HIBADH: variants seen among roughly 807,000 people sequenced by gnomAD.
HIBADH encodes 3-hydroxyisobutyrate dehydrogenase.
Under a neutral mutation model 36.1 loss-of-function variants are expected in HIBADH, and 25 were observed. The observed-to-expected ratio is 0.69, with a 90% CI of 0.50 to 0.97. The LOEUF (loss-of-function observed/expected upper bound fraction) is 0.97. Among genes scored for constraint, HIBADH ranks in the 50% least tolerant of loss-of-function variants. The pLI, the probability that HIBADH is intolerant of heterozygous loss-of-function variation, is 0.00. For missense variants in HIBADH, 421 were observed against 418.0 expected (o/e 1.01, Z -0.06); for synonymous variants, 160 against 149.5 (o/e 1.07, Z -0.51).
At position 27,531,205 on chromosome 7, in the gene HIBADH, G is replaced by C. The variant is rs747796694; in HGVS notation, c.839C>G (p.Thr280Arg). Residue 280 changes from threonine (T) to arginine (R), a missense_variant, in exon 7 of 8, where the codon ACA (threonine) becomes AGA (arginine). Physicochemically the swap from Thr to Arg is moderately conservative, Grantham distance 71. Transcript: ENST00000265395. ...CATTTACCATACCTTAGCCATGAGT[G>C]TTGTTCCAAATCCACCCTGATAGTT... Reference protein sequence around the residue: ...ANNYQGGFGTTLMAKDLGLAQ... With the variant: ...ANNYQGGFGTRLMAKDLGLAQ... The C allele has an allele frequency of 1.2e-6, 2 of 1,613,656 alleles. No homozygotes were observed. Among genetic ancestry groups the C allele is most frequent in the Non-Finnish European group, 1.7e-6 (2 of 1,179,750 alleles).
At chr7:27,629,518 T>C (rs201253083) in intron 3 of HIBADH, 26 bp from the exon 4 acceptor site, 3 of 1,510,454 alleles carry the variant, frequency 2.0e-6, no homozygotes, top group Non-Finnish European at 2.7e-6. Flanking sequence ...AAAATATTTG[T>C]AGTTTACAAC....
chr7:27,651,517 T>C (rs562986413), intron 1 of HIBADH, among the ~76,000 whole-genome samples: 37 of 152,264 alleles, frequency 2.4e-4, no homozygotes, highest in African/African-American at 8.9e-4. Context: ...ATAAACAAAC[T>C]AGCAATAATA....
At chr7:27,640,523 C>T (rs1198969305) in intron 2 of HIBADH, among the ~76,000 whole-genome samples, 1 of 152,198 alleles carries the variant, frequency 6.6e-6, no homozygotes, top group Non-Finnish European at 1.5e-5. Flanking sequence ...GAGAGAGACC[C>T]TGTCTCAAAA....
intron 2 of HIBADH, among the ~76,000 whole-genome samples, chr7:27,642,797 G>A (rs930045023): frequency 1.5e-3 from 231 of 151,122 alleles, no homozygotes; most frequent in African/African-American, 4.8e-3. Context: ...GACTACAGGC[G>A]CCCGCCATTA....
intron 2 of HIBADH, among the ~76,000 whole-genome samples, chr7:27,647,992 T>C (rs1353896081): frequency 6.6e-6 from 1 of 152,216 alleles, no homozygotes; most frequent in Non-Finnish European, 1.5e-5. Flanking sequence ...TAATTGAAGA[T>C]ATTTCCTCTG....
intron 4 of HIBADH, among the ~76,000 whole-genome samples, chr7:27,578,788 AGAGGTTAG>A (rs1583579066): frequency 1.3e-5 from 2 of 152,152 alleles, no homozygotes; most frequent in East Asian, 3.8e-4. Context: ...ACCTGAGTTG[AGAGGTTAG>A]GACTCTAAGA....
At chr7:27,628,660 G>A (rs1785689908) in intron 4 of HIBADH, among the ~76,000 whole-genome samples, 3 of 152,016 alleles carry the variant, frequency 2.0e-5, no homozygotes, top group Admixed American at 6.6e-5. Context: ...TAAATTATAT[G>A]CACAGATTTT....
intron 4 of HIBADH, among the ~76,000 whole-genome samples, chr7:27,571,129 C>T (rs1784622256): frequency 6.6e-6 from 1 of 152,044 alleles, no homozygotes; most frequent in African/African-American, 2.4e-5. Flanking sequence ...CTCCCATATA[C>T]CATTTATCTA....
Position 27,531,199 on chromosome 7 carries a change from A to G in HIBADH, c.845T>C (p.Met282Thr), listed in dbSNP as rs1783993020. Residue 282 changes from methionine (M) to threonine (T), a missense_variant, in exon 7 of 8, where the codon ATG becomes ACG. Coordinates refer to ENST00000265395, the MANE Select transcript of HIBADH (RefSeq NM_152740.4). ...NYQGGFGTTLMAKDLGLAQDS... is the reference protein window; with the variant it reads ...NYQGGFGTTLTAKDLGLAQDS... ...TGTCTACATTTACCATACCTTAGCCATGAGTGTTGTTCCAAATCCACCCTG... is the reference window on the plus strand; with the variant it reads ...TGTCTACATTTACCATACCTTAGCCGTGAGTGTTGTTCCAAATCCACCCTG... 1 of 1,613,430 alleles carries G rather than the reference A, an allele frequency of 6.2e-7. No homozygotes were observed. The highest frequency in any genetic ancestry group is 2.2e-5 in the East Asian group (1 of 44,870).
chr7:27,582,220 A>G lies in HIBADH; in HGVS notation c.485-39120T>C, dbSNP rs543318889. Among the ~76,000 whole-genome samples the G allele has an allele frequency of 5.6e-4, 85 of 152,178 alleles. 1 individual carries two copies. The South Asian group carries it at 0.015, about 26-fold the overall frequency. On this transcript the variant is annotated intron_variant, in intron 4 of 7. Coordinates refer to ENST00000265395, the MANE Select transcript of HIBADH (RefSeq NM_152740.4). ...CTTATACAATAAGCTCTGAAATGCA[A>G]AAGAGTTTTTCTTCACTCATTTGGC...
At chr7:27,562,027 A>G (rs1784475369) in intron 4 of HIBADH, among the ~76,000 whole-genome samples, 1 of 152,116 alleles carries the variant, frequency 6.6e-6, no homozygotes, top group Admixed American at 6.6e-5. Context: ...TATAAATAAG[A>G]TTCAGCAGGA....
At chr7:27,635,989 G>T (rs1413243659) in intron 2 of HIBADH, among the ~76,000 whole-genome samples, 1 of 152,128 alleles carries the variant, frequency 6.6e-6, no homozygotes, top group Non-Finnish European at 1.5e-5. Flanking sequence ...TGCATCAATG[G>T]TGGGTGTGTA....
At chr7:27,564,743 C>T (rs1371589800) in intron 4 of HIBADH, among the ~76,000 whole-genome samples, 1 of 152,196 alleles carries the variant, frequency 6.6e-6, no homozygotes, top group Non-Finnish European at 1.5e-5. Context: ...TACACAGAGT[C>T]TTCAAATCCA....
chr7:27,644,313 A>C (rs1398297355), intron 2 of HIBADH, among the ~76,000 whole-genome samples: 2 of 151,952 alleles, frequency 1.3e-5, no homozygotes, highest in Non-Finnish European at 2.9e-5. Flanking sequence ...AAAATACAAA[A>C]AATTGGCCGG....
intron 3 of HIBADH, among the ~76,000 whole-genome samples, chr7:27,630,981 G>A (rs977458978): frequency 6.6e-6 from 1 of 152,038 alleles, no homozygotes; most frequent in Non-Finnish European, 1.5e-5. Context: ...AATTATACAT[G>A]CACTGGGTGT....
chr7:27,607,336 T>C (rs1262682733), intron 4 of HIBADH, among the ~76,000 whole-genome samples: 3 of 152,164 alleles, frequency 2.0e-5, no homozygotes, highest in Non-Finnish European at 4.4e-5. Flanking sequence ...GGTGAAACCA[T>C]GTCTCTAGTA....
chr7:27,534,954 T>A (rs1250635702), intron 6 of HIBADH, among the ~76,000 whole-genome samples: 1 of 150,520 alleles, frequency 6.6e-6, no homozygotes, highest in Non-Finnish European at 1.5e-5. Context: ...CTTAAGTCTG[T>A]GGGACAGCTT....
intron 6 of HIBADH, among the ~76,000 whole-genome samples, chr7:27,533,851 G>A (rs1784035251): frequency 6.6e-6 from 1 of 152,154 alleles, no homozygotes; most frequent in Admixed American, 6.6e-5. Flanking sequence ...CTGTAAATTG[G>A]CTGGGAACAT....
rs752286016 is a variant in HIBADH, at chr7:27,609,493, C to T, written c.484+19878G>A. On this transcript the variant is annotated intron_variant, in intron 4 of 7. Transcript: ENST00000265395. ...ATATTCTCCAGAGACAGAAAGGATA[C>T]TTTATGGATACAGAGTGATAAGTAA... is the stretch of plus-strand genomic sequence containing the variant. Among the ~76,000 whole-genome samples, 7 of 152,190 alleles carry T rather than the reference C, an allele frequency of 4.6e-5. No homozygotes were observed. The South Asian group carries it at 8.3e-4, about 18-fold the overall frequency.
Sources: allele counts gnomAD v4.1 joint callset (sites outside exome capture counted in the v4.1 genomes callset), GRCh38; gene constraint gnomAD v4.1.1; transcripts MANE v1.5; gene names NCBI Gene and HGNC (gene_info 2026-07-23, HGNC 2026-07-21).